Variants in RBM24 observed in about 807,000 individuals in gnomAD.
RBM24 encodes RNA binding motif protein 24, also known as RNA-binding protein 24.
In RBM24, 5 loss-of-function variants were observed where a neutral mutation model predicts 23.6. The ratio of observed to expected loss-of-function variants is 0.21; its 90% confidence interval spans 0.11 to 0.45. The LOEUF (loss-of-function observed/expected upper bound fraction) is 0.45, where lower values mean the gene tolerates loss of function less well. RBM24 is among the 20% of genes least tolerant of loss of function. The pLI is 0.99. For synonymous variants in RBM24, 151 were observed against 129.5 expected (o/e 1.17, Z -1.13); for missense variants, 252 against 314.6 (o/e 0.80, Z 1.51).
intron 3 of RBM24, among the ~76,000 whole-genome samples, chr6:17,285,423 T>TC (rs1760165453): frequency 6.6e-6 from 1 of 152,050 alleles, no homozygotes; most frequent in South Asian, 2.1e-4. Context: ...AAAGGGCCTT[T>TC]TTTTTTTTCT....
chr6:17,282,420 A>G (rs750674054), intron 1 of RBM24: 59 of 527,874 alleles, frequency 1.1e-4, no homozygotes, highest in Middle Eastern at 3.0e-4. Flanking sequence ...CTTTCTTTAA[A>G]GCAAACGGTG....
At position 17,292,055 on chromosome 6, in the gene RBM24, C is replaced by T; in HGVS notation, c.647C>T (p.Ala216Val). Reference sequence around the variant, plus strand: ...ACAGCTGCCGCCGCCGCTGCAGCAGCTGCTGCCGCTGCAGCATTTGGCCAG... The same window carrying T: ...ACAGCTGCCGCCGCCGCTGCAGCAGTTGCTGCCGCTGCAGCATTTGGCCAG... ...PGTAAAAAAA[A>V]AAAAAFGQYQ... is the part of the protein sequence containing the mutation. The change falls in exon 4 of 4, where the codon GCT becomes GTT. Residue 216 changes from alanine to valine, a missense_variant. Ala to Val is a moderately conservative substitution (Grantham distance 64, BLOSUM62 0). Transcript: ENST00000379052. 1.9e-6 allele frequency: 3 copies of T among 1,593,216 alleles called. No individual in the cohort carries two copies. Among genetic ancestry groups the T allele is most frequent in the Non-Finnish European group, 1.7e-6 (2 of 1,174,722 alleles).
intron 3 of RBM24, chr6:17,289,086 A>G (rs979906144): frequency 5.1e-6 from 5 of 985,478 alleles, no homozygotes; most frequent in South Asian, 9.4e-5. Context: ...AAAATTACCA[A>G]AAGTGTCTTC....
In RBM24 at chr6:17,289,514, C is replaced by A. The variant is rs998909349; in HGVS notation, c.348-2242C>A. ...AAAGTAAATGCAGAGCTAAAGCCCC[C>A]TAAGCAACCTTGCCTGTCTTTTAAT... On this transcript the variant is annotated intron_variant, in intron 3 of 3. Coordinates refer to ENST00000379052, the MANE Select transcript of RBM24 (RefSeq NM_001143942.2). The A allele has an allele frequency of 3.0e-6, 3 of 985,302 alleles. No homozygotes were observed. The African/African-American group carries it at 5.2e-5, about 17-fold the overall frequency. The allele number at this position is 985,302 out of a possible 1,614,324, so 61.0% of individuals were successfully genotyped here.
At chr6:17,282,680 C>G (rs1290525419) in intron 1 of RBM24, 125 bp from the exon 2 acceptor site, 1 of 1,152,420 alleles carries the variant, frequency 8.7e-7, no homozygotes, top group Non-Finnish European at 1.1e-6. Flanking sequence ...CCAAAAGAAG[C>G]AAAGAATAGA....
chr6:17,292,392 A>C lies in RBM24; in HGVS notation c.*273A>C. On this transcript the variant is annotated 3_prime_UTR_variant, in exon 4 of 4. Transcript: ENST00000379052. ...CTACGAAATGACGCCAGGAGTAACA[A>C]CGGAACTTCACTTTTGTAACGGGAT... is the stretch of plus-strand genomic sequence containing the variant. 3.9e-6 allele frequency: 1 copy of C among 254,816 alleles called. No individual in the cohort carries two copies. 15.8% of individuals were successfully genotyped at this position (254,816 alleles called of 1,614,324 possible).
chr6:17,281,529 G>C lies in RBM24; in HGVS notation c.-53G>C. 6.9e-7 allele frequency: 1 copy of C among 1,441,168 alleles called. No individual in the cohort carries two copies. The highest frequency in any genetic ancestry group is 1.5e-5 in the African/African-American group (1 of 66,532). 89.3% of individuals were successfully genotyped at this position (1,441,168 alleles called of 1,614,324 possible). A position where few individuals can be genotyped will look rare whatever the true frequency, so the allele number is the denominator to read the frequency against. On this transcript the variant is annotated 5_prime_UTR_variant, in exon 1 of 4. Transcript: ENST00000379052. This position sits in a 1 kb window ranked among gnomAD's most constrained non-coding sequence, Gnocchi z 7.1. ...CGGAGCCGGAGGAGGAGGCGCAGCC[G>C]CTGCCCGAGCCGCAGCCGCAGCCGG... is the stretch of plus-strand genomic sequence containing the variant.
chr6:17,283,043 G>C, intron 2 of RBM24, 115 bp downstream of exon 2: 3 of 714,506 alleles, frequency 4.2e-6, no homozygotes, highest in Non-Finnish European at 7.1e-6. Flanking sequence ...TAGTAAACTT[G>C]AACCATGGCT....
At position 17,281,895 on chromosome 6, in the gene RBM24, A is replaced by C; in HGVS notation, c.168+146A>C. 7.3e-7 allele frequency: 1 copy of C among 1,365,208 alleles called. No homozygotes were observed. Among genetic ancestry groups the C allele is most frequent in the Non-Finnish European group, 9.9e-7 (1 of 1,007,408 alleles). 84.6% of individuals were successfully genotyped at this position (1,365,208 alleles called of 1,614,324 possible). On this transcript the variant is annotated intron_variant, in intron 1 of 3. Transcript: ENST00000379052. This position sits in a 1 kb window ranked among gnomAD's most constrained non-coding sequence, Gnocchi z 7.1. The stretch of plus-strand genomic sequence containing the variant: ...TGCCCCTTCGCTCCGGGGTGAACTG[A>C]AACTTTGCTAGGGGAGAGGGTCGGC...
intron 3 of RBM24, among the ~76,000 whole-genome samples, chr6:17,286,693 C>T (rs150858528): frequency 6.6e-6 from 1 of 152,150 alleles, no homozygotes; most frequent in East Asian, 1.9e-4. Context: ...GGCAGGTAGA[C>T]TGGCACTAGA....
chr6:17,281,654 G>T lies in RBM24; in HGVS notation c.73G>T (p.Ala25Ser), dbSNP rs746066542. The T allele has an allele frequency of 3.9e-6, 6 of 1,549,694 alleles. 1 individual carries two copies. The South Asian group carries it at 7.1e-5, about 18-fold the overall frequency. Residue 25 changes from alanine (A) to serine (S), a missense_variant, in exon 1 of 4, where the codon GCC becomes TCC. Coordinates refer to ENST00000379052, the MANE Select transcript of RBM24 (RefSeq NM_001143942.2). The surrounding 1 kb of genome is among the most constrained non-coding windows in gnomAD (Gnocchi z 7.1). Reference sequence around the variant, plus strand: ...GGGGCTGCCCTACCACACCACCGACGCCAGCCTGCGCAAGTACTTCGAGGT... The same window carrying T: ...GGGGCTGCCCTACCACACCACCGACTCCAGCCTGCGCAAGTACTTCGAGGT... The part of the protein sequence containing the change: ...VGGLPYHTTD[A>S]SLRKYFEVFG...
intron 3 of RBM24, 44 bp downstream of exon 3, chr6:17,284,755 C>A: frequency 1.4e-6 from 2 of 1,453,216 alleles, no homozygotes; most frequent in Non-Finnish European, 1.9e-6. Context: ...GTATGACTAT[C>A]ATTTGTTAAC....
intron 1 of RBM24, chr6:17,282,161 A>AC (rs573242111): frequency 4.0e-6 from 5 of 1,247,452 alleles, no homozygotes; most frequent in Non-Finnish European, 4.1e-6. Context: ...GGGAGGGGAC[A>AC]CCCCACGAGG....
chr6:17,283,710 C>T (rs561135024), intron 2 of RBM24, among the ~76,000 whole-genome samples: 6 of 152,310 alleles, frequency 3.9e-5, no homozygotes, highest in African/African-American at 1.4e-4. Flanking sequence ...AGCCACCGCG[C>T]CTGGCCCAAA....
intron 3 of RBM24, among the ~76,000 whole-genome samples, chr6:17,286,156 C>T (rs926505858): frequency 1.3e-5 from 2 of 150,274 alleles, no homozygotes; most frequent in Admixed American, 1.3e-4. Flanking sequence ...TCTAACATAT[C>T]GGTACCTCAC....
rs1760393248 is a variant in RBM24 at position 17,292,252 on chromosome 6, GTTA to G, written c.*139_*141del. ...AACAGCCATGCTATTGTGAAGCAGA[GTTA>G]TTATTTTTTTTATACTCCAGGTAGT... On this transcript the variant is annotated 3_prime_UTR_variant, in exon 4 of 4. Coordinates refer to ENST00000379052, the MANE Select transcript of RBM24 (RefSeq NM_001143942.2). 7 of 892,598 alleles carry G rather than the reference GTTA, an allele frequency of 7.8e-6. No homozygotes were observed. The highest frequency in any genetic ancestry group is 1.1e-5 in the Non-Finnish European group (7 of 626,160). The allele number at this position is 892,598 out of a possible 1,614,324, so 55.3% of individuals were successfully genotyped here. A position where few individuals can be genotyped will look rare whatever the true frequency, so the allele number is the denominator to read the frequency against.
chr6:17,282,426 C>A (rs1312626478), intron 1 of RBM24: 2 of 508,732 alleles, frequency 3.9e-6, no homozygotes, highest in Non-Finnish European at 7.3e-6. Flanking sequence ...TTAAAGCAAA[C>A]GGTGCCTCTG....
chr6:17,282,024 TG>T (rs1760033427), intron 1 of RBM24: 1 of 1,313,220 alleles, frequency 7.6e-7, no homozygotes, highest in Non-Finnish European at 9.8e-7. Flanking sequence ...CGGCGGGATT[TG>T]GGGTGCGGAG....
At chr6:17,287,586 A>G (rs1760233151) in intron 3 of RBM24, among the ~76,000 whole-genome samples, 1 of 151,992 alleles carries the variant, frequency 6.6e-6, no homozygotes, top group Non-Finnish European at 1.5e-5. Context: ...GTGGATCATG[A>G]GGTCAGGAGG....
Sources: allele counts gnomAD v4.1 joint callset (sites outside exome capture counted in the v4.1 genomes callset), GRCh38; gene constraint gnomAD v4.1.1; non-coding constraint Gnocchi (gnomAD v3.1); transcripts MANE v1.5; gene names NCBI Gene and HGNC (gene_info 2026-07-23, HGNC 2026-07-21).